Variants in ENOX2 observed in about 807,000 individuals in gnomAD.
The protein encoded by ENOX2 is APK1 antigen.
ENOX2 carries 36 observed loss-of-function variants against 45.0 expected under a neutral mutation model. The observed-to-expected ratio is 0.80, with a 90% CI of 0.61 to 1.06. The LOEUF (loss-of-function observed/expected upper bound fraction) is 1.06. ENOX2 is among the 50% of genes least tolerant of loss of function. The probability of loss-of-function intolerance (pLI) is 0.00; values close to 1 mark genes in which losing one functional copy is unlikely to be tolerated. For synonymous variants in ENOX2, 174 were observed against 152.3 expected, an observed-to-expected ratio of 1.14 and a Z score of -1.05; for missense variants, 423 against 462.5, an observed-to-expected ratio of 0.91 and a Z score of 0.78.
chrX:130,738,610 C>T (rs1400182948), intron 3 of ENOX2, among the ~76,000 whole-genome samples: 6 of 112,057 alleles, frequency 5.4e-5, no homozygotes. Context: ...TTCTGTAATT[C>T]CTGGTGTGTT....
At chrX:130,861,422 A>G (rs2078407189) in intron 2 of ENOX2, among the ~76,000 whole-genome samples, 1 of 111,689 alleles carries the variant, frequency 9.0e-6, no homozygotes, top group Non-Finnish European at 1.9e-5. Flanking sequence ...ACCACACCCT[A>G]GAACAATTAT....
At chrX:130,695,956 C>T (rs924000227) in intron 4 of ENOX2, among the ~76,000 whole-genome samples, 2 of 111,848 alleles carry the variant, frequency 1.8e-5, no homozygotes, top group African/African-American at 6.5e-5. Context: ...GGACTTCTCA[C>T]CAGCCCTCTT....
At chrX:130,737,859 G>C (rs958932182) in intron 3 of ENOX2, among the ~76,000 whole-genome samples, 3 of 111,818 alleles carry the variant, frequency 2.7e-5, no homozygotes, top group African/African-American at 9.7e-5. Flanking sequence ...ATCATCAAGA[G>C]AACCAAGAAA....
chrX:130,784,777 G>A (rs1251487216), intron 2 of ENOX2, among the ~76,000 whole-genome samples: 1 of 107,696 alleles, frequency 9.3e-6, no homozygotes, highest in Non-Finnish European at 1.9e-5. Flanking sequence ...TAGTAGAGAT[G>A]AGGTTTTGCC....
intron 3 of ENOX2, among the ~76,000 whole-genome samples, chrX:130,759,772 T>C (rs1352952206): frequency 9.1e-6 from 1 of 109,493 alleles, no homozygotes; most frequent in Non-Finnish European, 1.9e-5. Flanking sequence ...TTTTTTGAGA[T>C]TGATTTAGCT....
chrX:130,636,632 G>A (rs1205553349), intron 11 of ENOX2, among the ~76,000 whole-genome samples: 1 of 112,498 alleles, frequency 8.9e-6, no homozygotes, highest in Non-Finnish European at 1.9e-5. Flanking sequence ...GAATGCAATC[G>A]CAGTTGGGTG....
chrX:130,624,849 T>C lies in ENOX2; in HGVS notation c.*465A>G, dbSNP rs1353086227. On this transcript the variant is annotated 3_prime_UTR_variant, in exon 15 of 15. Transcript: ENST00000394363. ...ATTTATTTACTGGTCTACTGGGGAT[T>C]GGAAAGACAATGGCAGTTACACAGA... 1 of 113,052 alleles carries C rather than the reference T, an allele frequency of 8.8e-6. No individual in the cohort carries two copies. The highest frequency in any genetic ancestry group is 3.2e-5 in the African/African-American group (1 of 30,949). 9.3% of individuals were successfully genotyped at this position (113,052 alleles called of 1,213,427 possible).
intron 4 of ENOX2, among the ~76,000 whole-genome samples, chrX:130,695,141 T>C (rs1266117540): frequency 2.7e-5 from 3 of 111,787 alleles, no homozygotes; most frequent in Non-Finnish European, 5.6e-5. Flanking sequence ...CAGATGCCCT[T>C]TGTCAGATCA....
rs1048372868 is a variant in ENOX2, at chrX:130,823,470, C to T, written c.-182-39780G>A. On this transcript the variant is annotated intron_variant, in intron 2 of 14. Transcript: ENST00000394363. ...TCACATGGAGGCAGCATGCAAAAGA[C>T]AGCCATTTGCCAATAGAGATCAAAA... Among the ~76,000 whole-genome samples the T allele has an allele frequency of 1.4e-4, 16 of 111,507 alleles. 1 individual carries two copies. The highest frequency in any genetic ancestry group is 9.5e-5 in the Admixed American group (1 of 10,524).
intron 6 of ENOX2, among the ~76,000 whole-genome samples, chrX:130,670,406 G>T (rs973529668): frequency 9.0e-6 from 1 of 111,520 alleles, no homozygotes; most frequent in African/African-American, 3.3e-5. Flanking sequence ...ATCATCAAAA[G>T]ATTTAGATTA....
chrX:130,629,374 T>C (rs1381926848), intron 13 of ENOX2, among the ~76,000 whole-genome samples: 5 of 112,909 alleles, frequency 4.4e-5, no homozygotes, highest in South Asian at 3.7e-4. Flanking sequence ...AAAAAGCTGA[T>C]TGAAAAAATA....
intron 2 of ENOX2, among the ~76,000 whole-genome samples, chrX:130,844,067 T>A (rs2078058558): frequency 8.9e-6 from 1 of 111,804 alleles, no homozygotes; most frequent in South Asian, 3.8e-4. Context: ...ATCCCCACAA[T>A]CTTTGCCTTC....
intron 3 of ENOX2, among the ~76,000 whole-genome samples, chrX:130,720,103 G>A (rs1239644030): frequency 8.9e-6 from 1 of 112,172 alleles, no homozygotes; most frequent in Non-Finnish European, 1.9e-5. Flanking sequence ...TGATGCATTA[G>A]AATCAATCTG....
intron 12 of ENOX2, among the ~76,000 whole-genome samples, chrX:130,633,678 G>C (rs1024163436): frequency 8.9e-6 from 1 of 112,083 alleles, no homozygotes; most frequent in Non-Finnish European, 1.9e-5. Flanking sequence ...ATGTCCTTAG[G>C]TCAAATTGTG....
At position 130,703,233 on chromosome X, in the gene ENOX2, T is replaced by C. The variant is rs1382310540; in HGVS notation, c.-17A>G. On this transcript the variant is annotated 5_prime_UTR_variant, in exon 4 of 15. Transcript: ENST00000394363. The stretch of plus-strand genomic sequence containing the variant: ...TAGTGTCATTGCAGTGGAATCCACG[T>C]TCAGAGTTCTACTGTTATCGGCTGA... 8.3e-7 allele frequency: 1 copy of C among 1,202,757 alleles called. No homozygotes were observed. The highest frequency in any genetic ancestry group is 1.1e-6 in the Non-Finnish European group (1 of 890,833).
intron 13 of ENOX2, 117 bp from the exon 14 acceptor site, chrX:130,628,160 C>A: frequency 2.0e-6 from 1 of 511,992 alleles, no homozygotes. Context: ...GGACACTATT[C>A]TAAGTTTACA....
intron 2 of ENOX2, among the ~76,000 whole-genome samples, chrX:130,823,956 A>G (rs2148473490): frequency 8.9e-6 from 1 of 112,233 alleles, no homozygotes; most frequent in South Asian, 3.7e-4. Context: ...CTTAATGAAC[A>G]TTTGAAATCA....
At position 130,695,075 on chromosome X, in the gene ENOX2, T is replaced by C. The variant is rs146919638; in HGVS notation, c.98-6057A>G. ...AGTAAGTAGCTCTTACTAAACGTGC[T>C]CCTAACCATTAGTCTACACTGCTTC... is the stretch of plus-strand genomic sequence containing the variant. On this transcript the variant is annotated intron_variant, in intron 4 of 14. Transcript: ENST00000394363. 7.8e-3 allele frequency among the ~76,000 whole-genome samples: 874 copies of C among 111,578 alleles called. 27 individuals carry two copies. Among genetic ancestry groups the C allele is most frequent in the Admixed American group, 0.059 (620 of 10,489 alleles).
intron 2 of ENOX2, among the ~76,000 whole-genome samples, chrX:130,892,175 TG>T (rs1456758828): frequency 1.8e-5 from 2 of 112,336 alleles, no homozygotes; most frequent in African/African-American, 3.2e-5. Flanking sequence ...AAAACGACAC[TG>T]GGATTCACTG....
Sources: allele counts gnomAD v4.1 joint callset (sites outside exome capture counted in the v4.1 genomes callset), GRCh38; gene constraint gnomAD v4.1.1; transcripts MANE v1.5; gene names NCBI Gene and HGNC (gene_info 2026-07-23, HGNC 2026-07-21).